The following SYNPR variants were observed in gnomAD, a reference collection of about 807,000 sequenced individuals.
SYNPR encodes the protein synaptoporin.
In SYNPR, 23 loss-of-function variants were observed where a neutral mutation model predicts 32.9. That is an observed-to-expected ratio of 0.70 (90% CI 0.50 to 0.99). The LOEUF (loss-of-function observed/expected upper bound fraction) is 0.99, where lower values mean the gene tolerates loss of function less well. Ranked by LOEUF, SYNPR falls within the 50% of genes least tolerant of loss-of-function variation. The pLI is 0.00. For synonymous variants in SYNPR, 146 were observed against 135.9 expected, an observed-to-expected ratio of 1.07 and a Z score of -0.52; for missense variants, 318 against 349.3, an observed-to-expected ratio of 0.91 and a Z score of 0.71.
intron 3 of SYNPR, among the ~76,000 whole-genome samples, chr3:63,523,536 A>G (rs1294403280): frequency 6.6e-6 from 1 of 152,126 alleles, no homozygotes; most frequent in African/African-American, 2.4e-5. Context: ...GGTAGTAACC[A>G]TCAGAACCCT....
intron 3 of SYNPR, among the ~76,000 whole-genome samples, chr3:63,483,840 G>T (rs1701093337): frequency 6.6e-6 from 1 of 152,102 alleles, no homozygotes; most frequent in African/African-American, 2.4e-5. Flanking sequence ...GCTTAAAAAA[G>T]TTATTTTCTT....
At chr3:63,482,894 T>A (rs1701075248) in intron 3 of SYNPR, among the ~76,000 whole-genome samples, 1 of 152,198 alleles carries the variant, frequency 6.6e-6, no homozygotes, top group Non-Finnish European at 1.5e-5. Flanking sequence ...TATGAAGACA[T>A]TTGTTTCAGA....
At chr3:63,279,856 G>A (rs924611888) in intron 2 of SYNPR, among the ~76,000 whole-genome samples, 4 of 152,148 alleles carry the variant, frequency 2.6e-5, no homozygotes, top group South Asian at 2.1e-4. Context: ...AAATGTATGC[G>A]TATATCAATA....
intron 3 of SYNPR, among the ~76,000 whole-genome samples, chr3:63,270,692 C>T (rs2086526843): frequency 6.6e-6 from 1 of 152,110 alleles, no homozygotes; most frequent in Admixed American, 6.6e-5. Flanking sequence ...CTTATCTATG[C>T]TTCAGTTCCA....
chr3:63,373,038 C>A (rs972562853), intron 2 of SYNPR, among the ~76,000 whole-genome samples: 8 of 151,986 alleles, frequency 5.3e-5, no homozygotes, highest in Non-Finnish European at 1.2e-4. Flanking sequence ...CCTGCAAAAA[C>A]CCCCAGCCCT....
chr3:63,458,077 C>T (rs115177483), intron 2 of SYNPR, among the ~76,000 whole-genome samples: 2,578 of 152,202 alleles, frequency 0.017, 73 homozygotes, highest in African/African-American at 0.059. Context: ...GTATCTTGGG[C>T]ACTAAACTTT....
chr3:63,278,777 GGCAGCCA>G, intron 2 of SYNPR, 35 bp downstream of exon 2: 1 of 1,549,750 alleles, frequency 6.5e-7, no homozygotes, highest in Non-Finnish European at 8.7e-7. Context: ...AGGGGCGCCA[GGCAGCCA>G]GCTATCAGGT....
chr3:63,586,229 G>A (rs1182437447), intron 4 of SYNPR, among the ~76,000 whole-genome samples: 2 of 151,928 alleles, frequency 1.3e-5, no homozygotes, highest in African/African-American at 4.8e-5. Flanking sequence ...TTGAAAAATA[G>A]CAGCTCTTTT....
At chr3:63,238,070 G>T (rs2086212722) in intron 1 of SYNPR, among the ~76,000 whole-genome samples, 1 of 152,092 alleles carries the variant, frequency 6.6e-6, no homozygotes, top group South Asian at 2.1e-4. Flanking sequence ...TTAGGTCAGG[G>T]GTTGGGATAT....
At chr3:63,360,167 C>G (rs2087637101) in intron 2 of SYNPR, among the ~76,000 whole-genome samples, 1 of 152,146 alleles carries the variant, frequency 6.6e-6, no homozygotes, top group South Asian at 2.1e-4. Flanking sequence ...AGCCTCTATT[C>G]TTGTAAACAT....
chr3:63,558,286 G>T (rs982953837), intron 4 of SYNPR, among the ~76,000 whole-genome samples: 2 of 152,086 alleles, frequency 1.3e-5, no homozygotes, highest in East Asian at 1.9e-4. Flanking sequence ...CATACAAAAT[G>T]GACTAACACA....
At chr3:63,366,470 A>G (rs1001036187) in intron 2 of SYNPR, among the ~76,000 whole-genome samples, 3 of 152,038 alleles carry the variant, frequency 2.0e-5, no homozygotes, top group Non-Finnish European at 2.9e-5. Flanking sequence ...GCATAATTTC[A>G]TATAAAGTAT....
At chr3:63,433,803 T>C (rs1322852719) in intron 2 of SYNPR, among the ~76,000 whole-genome samples, 1 of 152,128 alleles carries the variant, frequency 6.6e-6, no homozygotes, top group African/African-American at 2.4e-5. Context: ...GCTAAATGGA[T>C]TACCCTCATA....
At chr3:63,519,511 T>C (rs1701866325) in intron 3 of SYNPR, among the ~76,000 whole-genome samples, 1 of 152,224 alleles carries the variant, frequency 6.6e-6, no homozygotes, top group Non-Finnish European at 1.5e-5. Context: ...CCTTGTTGCC[T>C]CAGCTCACCT....
intron 3 of SYNPR, among the ~76,000 whole-genome samples, chr3:63,520,809 C>T (rs1374574293): frequency 6.6e-6 from 1 of 152,140 alleles, no homozygotes; most frequent in Non-Finnish European, 1.5e-5. Flanking sequence ...ATGATTTGGC[C>T]CTGTCTACCC....
chr3:63,487,948 C>T (rs994489030), intron 3 of SYNPR, among the ~76,000 whole-genome samples: 1 of 152,064 alleles, frequency 6.6e-6, no homozygotes, highest in African/African-American at 2.4e-5. Context: ...CACCATTCCC[C>T]CGCTCATGAC....
intron 2 of SYNPR, among the ~76,000 whole-genome samples, chr3:63,324,559 C>T (rs1051562559): frequency 2.6e-5 from 4 of 152,074 alleles, no homozygotes; most frequent in East Asian, 1.9e-4. Context: ...CCATGTAAGA[C>T]GACTTATCCA....
intron 2 of SYNPR, among the ~76,000 whole-genome samples, chr3:63,298,211 CA>C (rs1675245113): frequency 6.6e-6 from 1 of 152,140 alleles, no homozygotes; most frequent in Non-Finnish European, 1.5e-5. Context: ...CAGGAATGAG[CA>C]AGGGCAACTT....
chr3:63,416,779 C>T (rs1353911562), intron 2 of SYNPR, among the ~76,000 whole-genome samples: 1 of 151,834 alleles, frequency 6.6e-6, no homozygotes, highest in Non-Finnish European at 1.5e-5. Flanking sequence ...AGGAAAATTC[C>T]CCCCTGTAAA....
Sources: allele counts gnomAD v4.1 joint callset (sites outside exome capture counted in the v4.1 genomes callset), GRCh38; gene constraint gnomAD v4.1.1; transcripts MANE v1.5; gene names NCBI Gene and HGNC (gene_info 2026-07-23, HGNC 2026-07-21).